FBXO10: variants seen among roughly 807,000 people sequenced by gnomAD.
The protein encoded by FBXO10 is F-box protein 10.
A neutral mutation model predicts 80.7 loss-of-function variants in FBXO10; 39 were observed. The observed-to-expected ratio is 0.48, with a 90% confidence interval of 0.37 to 0.63. FBXO10 has a LOEUF of 0.63. Among genes scored for constraint, FBXO10 ranks in the 30% least tolerant of loss-of-function variants. The pLI is 0.00. For missense variants in FBXO10, 1,025 were observed against 1,269.0 expected, an observed-to-expected ratio of 0.81 and a Z score of 2.92; for synonymous variants, 449 against 489.6, an observed-to-expected ratio of 0.92 and a Z score of 1.09.
chr9:37,540,205 G>A (rs1413537477), intron 2 of FBXO10, among the ~76,000 whole-genome samples: 1 of 141,054 alleles, frequency 7.1e-6, no homozygotes, highest in Non-Finnish European at 1.5e-5. Context: ...TTTTTTTTTT[G>A]AGACAAAGTC....
chr9:37,534,259 G>T (rs748139842), intron 3 of FBXO10, among the ~76,000 whole-genome samples: 4 of 152,184 alleles, frequency 2.6e-5, no homozygotes, highest in Non-Finnish European at 4.4e-5. Context: ...TAAATGGTAA[G>T]GTTTCAGCTT....
chr9:37,561,264 C>T (rs186421401), intron 1 of FBXO10, among the ~76,000 whole-genome samples: 362 of 151,012 alleles, frequency 2.4e-3, no homozygotes, highest in Non-Finnish European at 4.6e-3. Context: ...ACTGCAGCCT[C>T]GAACTCCTGG....
chr9:37,565,289 C>T (rs1433216663), intron 1 of FBXO10, among the ~76,000 whole-genome samples: 1 of 152,144 alleles, frequency 6.6e-6, no homozygotes, highest in Non-Finnish European at 1.5e-5. Flanking sequence ...GCAGCGTGAG[C>T]ACAGACTAAC....
chr9:37,538,429 C>G (rs1388520080), intron 2 of FBXO10, among the ~76,000 whole-genome samples: 1 of 151,896 alleles, frequency 6.6e-6, no homozygotes, highest in Non-Finnish European at 1.5e-5. Flanking sequence ...TGGGCTCTGC[C>G]AGGTGTGGTG....
At position 37,512,572 on chromosome 9, in the gene FBXO10, C is replaced by T. The variant is rs1025458683; in HGVS notation, c.2846G>A (p.Arg949His). The change falls in exon 11 of 11, where the codon CGC (arginine) becomes CAC (histidine). Residue 949 changes from arginine (R) to histidine (H), a missense_variant. Transcript: ENST00000432825. ...ARVEGGYHSNRSVFCTIL is the reference protein window; with the variant it reads ...ARVEGGYHSNHSVFCTIL ...TCACAGGATGGTGCAGAAGACACTGCGGTTGCTGTGGTAACCACCTTCCAC... is the reference window on the plus strand; with the variant it reads ...TCACAGGATGGTGCAGAAGACACTGTGGTTGCTGTGGTAACCACCTTCCAC... The T allele has an allele frequency of 1.6e-5, 26 of 1,613,704 alleles. No individual in the cohort carries two copies. Among genetic ancestry groups the T allele is most frequent in the East Asian group, 2.2e-5 (1 of 44,890 alleles).
chr9:37,516,160 T>C (rs1054169612), intron 9 of FBXO10, 75 bp from the exon 10 acceptor site: 1 of 1,496,952 alleles, frequency 6.7e-7, no homozygotes, highest in Non-Finnish European at 9.0e-7. Context: ...AAGTGAATTA[T>C]CAGTTCTAAA....
chr9:37,521,911 G>T (rs921606565), intron 7 of FBXO10, 73 bp from the exon 8 acceptor site: 7 of 1,463,640 alleles, frequency 4.8e-6, no homozygotes, highest in African/African-American at 2.8e-5. Context: ...CCTGAGAGGG[G>T]AAACAAAAGC....
chr9:37,535,670 C>T (rs1246137025), intron 3 of FBXO10, among the ~76,000 whole-genome samples: 2 of 152,142 alleles, frequency 1.3e-5, no homozygotes, highest in Non-Finnish European at 2.9e-5. Flanking sequence ...CACTTTTCTT[C>T]TTGGAGCCTC....
chr9:37,553,235 T>A (rs1337603494), intron 1 of FBXO10, among the ~76,000 whole-genome samples: 1 of 151,862 alleles, frequency 6.6e-6, no homozygotes, highest in Non-Finnish European at 1.5e-5. Flanking sequence ...AGAGACAGGG[T>A]TTCACCATGT....
intron 5 of FBXO10, among the ~76,000 whole-genome samples, chr9:37,526,919 C>T (rs529434223): frequency 4.0e-5 from 6 of 151,600 alleles, no homozygotes; most frequent in East Asian, 1.9e-4. Flanking sequence ...GGCACGATCT[C>T]GGCTCACTGC....
intron 10 of FBXO10, chr9:37,515,645 C>T (rs1821162735): frequency 2.7e-6 from 1 of 373,498 alleles, no homozygotes; most frequent in Non-Finnish European, 4.8e-6. Flanking sequence ...GTAAGTTGCC[C>T]AAGGTCACAC....
Position 37,531,992 on chromosome 9 carries a change from C to A in FBXO10, c.1486G>T (p.Gly496Cys). The change falls in exon 4 of 11, where the codon GGT becomes TGT. Residue 496 changes from glycine to cysteine, a missense_variant. Around this residue, in one of 3 missense-constraint regions of FBXO10, gnomAD observed 478 missense variants for 667.8 expected, o/e 0.72. Transcript: ENST00000432825. ...ATGTTGTTGCCGGCAATCAAGCCAC[C>A]GCCCTCCAAGCGAAGAAAGATGCCT... ...ASGIFLRLEG[G>C]GLIAGNNIYH... 6.2e-7 allele frequency: 1 copy of A among 1,613,978 alleles called. No homozygotes were observed. Among genetic ancestry groups the A allele is most frequent in the Non-Finnish European group, 8.5e-7 (1 of 1,179,868 alleles).
In FBXO10 at chr9:37,547,127, C is replaced by A. The variant is rs114757818; in HGVS notation, c.-6-5353G>T. Among the ~76,000 whole-genome samples, 1,129 of 152,286 alleles carry A rather than the reference C, an allele frequency of 7.4e-3. 8 individuals carry two copies. The highest frequency in any genetic ancestry group is 0.026 in the African/African-American group (1,065 of 41,554). On this transcript the variant is annotated intron_variant, in intron 1 of 10. Coordinates refer to ENST00000432825, the MANE Select transcript of FBXO10 (RefSeq NM_012166.3). ...AAGACTTACACAAGAATGTTTACAG[C>A]AGCTGTATTCATAATAGTAAAACAA...
chr9:37,519,437 G>C (rs2119055903), intron 8 of FBXO10, among the ~76,000 whole-genome samples: 1 of 146,030 alleles, frequency 6.8e-6, no homozygotes, highest in African/African-American at 2.6e-5. Flanking sequence ...CGGGGGCGAG[G>C]AGAGGAGGGC....
At chr9:37,541,997 T>G (rs1314589169) in intron 1 of FBXO10, among the ~76,000 whole-genome samples, 1 of 152,034 alleles carries the variant, frequency 6.6e-6, no homozygotes, top group Non-Finnish European at 1.5e-5. Context: ...AACTAGCTAA[T>G]TTTGTATTTT....
intron 1 of FBXO10, among the ~76,000 whole-genome samples, chr9:37,555,362 C>T (rs1370252499): frequency 2.0e-5 from 3 of 151,716 alleles, no homozygotes; most frequent in African/African-American, 7.3e-5. Context: ...TTTTGAAGTA[C>T]TTGTTCAAAT....
intron 1 of FBXO10, among the ~76,000 whole-genome samples, chr9:37,543,532 G>C (rs1176025829): frequency 6.6e-6 from 1 of 152,138 alleles, no homozygotes; most frequent in East Asian, 1.9e-4. Flanking sequence ...GATCTACATT[G>C]AGAAAAGAAT....
chr9:37,531,935 G>C lies in FBXO10; in HGVS notation c.1543C>G (p.Arg515Gly). The change falls in exon 4 of 11, where the codon CGG becomes GGG. Residue 515 changes from arginine (R) to glycine (G), a missense_variant. Coordinates refer to ENST00000432825, the MANE Select transcript of FBXO10 (RefSeq NM_012166.3). ...YHNAEAGVDIRKKSNPLILCN... is the reference protein window; with the variant it reads ...YHNAEAGVDIGKKSNPLILCN... ...AGTATGAGTGGGTTGGACTTTTTCC[G>C]GATGTCTACACCAGCCTCTGCATTG... 6.2e-7 allele frequency: 1 copy of C among 1,613,898 alleles called. No individual in the cohort carries two copies. Among genetic ancestry groups the C allele is most frequent in the South Asian group, 1.1e-5 (1 of 91,068 alleles).
intron 1 of FBXO10, among the ~76,000 whole-genome samples, chr9:37,561,159 C>A (rs1232997716): frequency 2.1e-5 from 3 of 142,136 alleles, no homozygotes; most frequent in Non-Finnish European, 3.0e-5. Context: ...CAAAACAAAA[C>A]AAAACAAAAT....
Sources: gnomAD v4.1 joint callset for allele counts (sites outside exome capture counted in the v4.1 genomes callset) on GRCh38, gnomAD v4.1.1 for gene constraint, gnomAD v4.1.1 regional missense constraint, MANE v1.5 for transcripts, NCBI Gene and HGNC (gene_info 2026-07-23, HGNC 2026-07-21) for gene names.